Variants in ACYP2 observed in about 807,000 individuals in gnomAD.
ACYP2 encodes acylphosphatase-2.
ACYP2 carries 12 observed loss-of-function variants against 11.2 expected under a neutral mutation model. The ratio of observed to expected loss-of-function variants is 1.08; its 90% CI spans 0.69 to 1.74. ACYP2 has a LOEUF of 1.74. Among genes scored for constraint, ACYP2 ranks in the 40% most tolerant of loss-of-function variants. The pLI, the probability that ACYP2 is intolerant of heterozygous loss-of-function variation, is 0.00. For synonymous variants in ACYP2, 43 were observed against 32.2 expected (o/e 1.33, Z -1.13); for missense variants, 134 against 101.9 (o/e 1.31, Z -1.35).
chr2:54,035,009 C>CAAAAAAAAAAAAAAAAAAAAAAAAAAA lies in ACYP2; in HGVS notation c.63-15926_63-15925insAAAAAAAAAAAAAAAAAAAAAAAAAAA, dbSNP rs550142135. On this transcript the variant is annotated intron_variant, in intron 2 of 6. Coordinates refer to ENST00000607452, the MANE Select transcript of ACYP2 (RefSeq NM_001320586.2). Reference sequence around the variant, plus strand: ...CAGGCGACAGTGCGAGACTACATCTCAAAAAAAAAAAAAAAAAAAAAAAGC... The same window carrying CAAAAAAAAAAAAAAAAAAAAAAAAAAA: ...CAGGCGACAGTGCGAGACTACATCTCAAAAAAAAAAAAAAAAAAAAAAAAAAAAAAAAAAAAAAAAAAAAAAAAAAGC... 8.9e-4 allele frequency among the ~76,000 whole-genome samples: 40 copies of CAAAAAAAAAAAAAAAAAAAAAAAAAAA among 44,778 alleles called. 3 individuals are homozygous for CAAAAAAAAAAAAAAAAAAAAAAAAAAA. Among genetic ancestry groups the CAAAAAAAAAAAAAAAAAAAAAAAAAAA allele is most frequent in the Non-Finnish European group, 1.4e-3 (26 of 18,952 alleles). The allele number at this position is 44,778 out of a possible 152,430, so 29.4% of individuals were successfully genotyped here. A position where few individuals can be genotyped will look rare whatever the true frequency, so the allele number is the denominator to read the frequency against.
intron 6 of ACYP2, chr2:54,256,137 C>T (rs765864092): frequency 1.2e-6 from 2 of 1,612,042 alleles, no homozygotes; most frequent in Non-Finnish European, 8.5e-7. Flanking sequence ...TGTGAGGACT[C>T]TCCGGGAGGC....
intron 4 of ACYP2, 89 bp from the exon 2 acceptor site, chr2:54,135,364 G>T: frequency 2.5e-6 from 3 of 1,209,594 alleles, no homozygotes; most frequent in African/African-American, 1.5e-5. Flanking sequence ...GGATAAATGG[G>T]GACCACCTAG....
intron 6 of ACYP2, among the ~76,000 whole-genome samples, chr2:54,197,844 T>G (rs570625623): frequency 1.3e-5 from 2 of 152,320 alleles, no homozygotes; most frequent in Non-Finnish European, 2.9e-5. Flanking sequence ...TTGTGCGTAC[T>G]TCTTCCTACA....
chr2:54,273,782 G>T (rs1030828281), intron 6 of ACYP2, among the ~76,000 whole-genome samples: 1 of 152,120 alleles, frequency 6.6e-6, no homozygotes, highest in Non-Finnish European at 1.5e-5. Flanking sequence ...AAACTTTTAT[G>T]CCTGAATAAT....
At chr2:54,031,375 G>A (rs1176050230) in intron 2 of ACYP2, among the ~76,000 whole-genome samples, 2 of 149,138 alleles carry the variant, frequency 1.3e-5, no homozygotes, top group Non-Finnish European at 3.0e-5. Flanking sequence ...AACATGCAGT[G>A]TTTGGTTTTC....
intron 6 of ACYP2, among the ~76,000 whole-genome samples, chr2:54,248,339 T>G (rs921823993): frequency 2.6e-5 from 4 of 152,178 alleles, no homozygotes; most frequent in Admixed American, 2.6e-4. Context: ...GTGGAATAGA[T>G]AAGTATCACA....
chr2:54,231,933 A>G (rs1323477996), intron 6 of ACYP2, among the ~76,000 whole-genome samples: 4 of 152,200 alleles, frequency 2.6e-5, no homozygotes, highest in Non-Finnish European at 5.9e-5. Flanking sequence ...CTTTCAGGAA[A>G]TTTTGGTTTC....
chr2:54,191,810 T>C (rs539556464), intron 6 of ACYP2, among the ~76,000 whole-genome samples: 71 of 152,334 alleles, frequency 4.7e-4, no homozygotes, highest in African/African-American at 1.7e-3. Flanking sequence ...CTTAACCTGC[T>C]TCATTTTTCT....
At position 54,018,079 on chromosome 2, in the gene ACYP2, G is replaced by A. The variant is rs528376608; in HGVS notation, c.63-32879G>A. ...CCCTCCTTTAGATCTACTGAACGTG[G>A]GGAGACGATGGACCTGTGTTGTAAC... On this transcript the variant is annotated intron_variant, in intron 2 of 6. Transcript: ENST00000607452. Among the ~76,000 whole-genome samples the A allele has an allele frequency of 2.0e-5, 3 of 152,224 alleles. No homozygotes were observed. In the South Asian group the frequency reaches 6.2e-4, roughly 32 times the overall value.
intron 6 of ACYP2, among the ~76,000 whole-genome samples, chr2:54,258,883 A>G (rs1347883523): frequency 6.6e-6 from 1 of 152,232 alleles, no homozygotes; most frequent in East Asian, 1.9e-4. Flanking sequence ...ATGCTGTGCT[A>G]TGAAGTAGCA....
At chr2:54,201,684 C>CTTTCTTTCTTTCTTTCTTTCTT (rs1684835755) in intron 6 of ACYP2, among the ~76,000 whole-genome samples, 1 of 39,446 alleles carries the variant, frequency 2.5e-5, no homozygotes, top group African/African-American at 6.4e-5. Flanking sequence ...CTTTCTTTCT[C>CTTTCTTTCTTTCTTTCTTTCTT]TCTCTCTCTC....
At chr2:54,033,327 A>C (rs1674693135) in intron 2 of ACYP2, among the ~76,000 whole-genome samples, 1 of 150,996 alleles carries the variant, frequency 6.6e-6, no homozygotes, top group Non-Finnish European at 1.5e-5. Context: ...CCTTCCAAGT[A>C]CTTGGGACCC....
chr2:54,202,858 C>T (rs1005022543), intron 6 of ACYP2, among the ~76,000 whole-genome samples: 2 of 150,938 alleles, frequency 1.3e-5, no homozygotes, highest in Non-Finnish European at 2.9e-5. Flanking sequence ...CTCAGACAGT[C>T]TTGATTACTG....
intron 6 of ACYP2, among the ~76,000 whole-genome samples, chr2:54,229,316 G>C (rs1686135834): frequency 6.6e-6 from 1 of 152,078 alleles, no homozygotes; most frequent in Non-Finnish European, 1.5e-5. Flanking sequence ...ATATTTTATG[G>C]CCCAATCTAT....
At chr2:54,016,098 T>C (rs556392770) in intron 2 of ACYP2, among the ~76,000 whole-genome samples, 5 of 152,128 alleles carry the variant, frequency 3.3e-5, no homozygotes, top group South Asian at 2.1e-4. Context: ...TCCACCTAAA[T>C]TGCTTGACTT....
intron 2 of ACYP2, among the ~76,000 whole-genome samples, chr2:54,040,380 G>A (rs186658404): frequency 6.6e-6 from 1 of 152,234 alleles, no homozygotes; most frequent in Non-Finnish European, 1.5e-5. Context: ...ATATTAAGGA[G>A]GCAGCTGGAT....
intron 2 of ACYP2, among the ~76,000 whole-genome samples, chr2:54,017,492 T>C (rs1573529732): frequency 6.6e-6 from 1 of 152,024 alleles, no homozygotes; most frequent in Non-Finnish European, 1.5e-5. Context: ...TGACCTCAAG[T>C]GATCTGCCCA....
chr2:54,175,792 C>A (rs1054153736), intron 6 of ACYP2, among the ~76,000 whole-genome samples: 1 of 152,122 alleles, frequency 6.6e-6, no homozygotes, highest in Non-Finnish European at 1.5e-5. Flanking sequence ...CCTGAACTTG[C>A]GCTGTACACA....
At chr2:54,266,525 AAT>A (rs1238317579) in intron 6 of ACYP2, among the ~76,000 whole-genome samples, 1 of 150,662 alleles carries the variant, frequency 6.6e-6, no homozygotes, top group Non-Finnish European at 1.5e-5. Context: ...GAGGTGCAGA[AAT>A]ATATAGATAT....
Sources: allele counts gnomAD v4.1 joint callset (sites outside exome capture counted in the v4.1 genomes callset), GRCh38; gene constraint gnomAD v4.1.1; transcripts MANE v1.5; gene names NCBI Gene and HGNC (gene_info 2026-07-23, HGNC 2026-07-21).